The following IFT140 variants were observed in gnomAD, a reference collection of about 807,000 sequenced individuals.
The protein encoded by IFT140 is intraflagellar transport protein 140 homolog.
IFT140 carries 133 observed loss-of-function variants against 164.6 expected under a neutral mutation model. That is an observed-to-expected ratio of 0.81 (90% CI 0.70 to 0.93). The LOEUF (loss-of-function observed/expected upper bound fraction) is 0.93. Among genes scored for constraint, IFT140 ranks in the 40% least tolerant of loss-of-function variants. IFT140 has a pLI of 0.00. For missense variants in IFT140, 2,045 were observed against 1,972.3 expected, an observed-to-expected ratio of 1.04 and a Z score of -0.70; for synonymous variants, 860 against 817.3, an observed-to-expected ratio of 1.05 and a Z score of -0.89.
Position 1,553,849 on chromosome 16 carries a change from C to A in IFT140, c.2399+4086G>T, listed in dbSNP as rs2032876117. The A allele has an allele frequency of 6.5e-6, 8 of 1,229,506 alleles. No homozygotes were observed. In the South Asian group the frequency reaches 1.1e-4, roughly 17 times the overall value. 76.2% of individuals were successfully genotyped at this position (1,229,506 alleles called of 1,614,324 possible). ...GGCTCCATCGCTGCGGCCACAGTGTCCTGTTATCCTAGTTGGTAGACTCTA... is the reference window on the plus strand; with the variant it reads ...GGCTCCATCGCTGCGGCCACAGTGTACTGTTATCCTAGTTGGTAGACTCTA... On this transcript the variant is annotated intron_variant, in intron 19 of 30. Coordinates refer to ENST00000426508, the MANE Select transcript of IFT140 (RefSeq NM_014714.4). The surrounding 1 kb of genome is among the most constrained non-coding windows in gnomAD (Gnocchi z 4.4).
In IFT140 at chr16:1,566,419, C is replaced by T. The variant is rs543613569; in HGVS notation, c.1771-128G>A. The T allele has an allele frequency of 9.7e-5, 78 of 804,850 alleles. No homozygotes were observed. The African/African-American group carries it at 1.1e-3, about 11-fold the overall frequency. The allele number at this position is 804,850 out of a possible 1,614,324, so 49.9% of individuals were successfully genotyped here. The stretch of plus-strand genomic sequence containing the variant: ...CCAGTGTCACCAAGTCCACAGGCCA[C>T]TCATCTTCCAAGGACTAGCATGCTT... On this transcript the variant is annotated intron_variant, in intron 15 of 30. Coordinates refer to ENST00000426508, the MANE Select transcript of IFT140 (RefSeq NM_014714.4).
At chr16:1,516,031 T>A (rs1395887180) in intron 30 of IFT140, among the ~76,000 whole-genome samples, 2 of 151,282 alleles carry the variant, frequency 1.3e-5, no homozygotes, top group African/African-American at 4.9e-5. Flanking sequence ...TCCCAGCTAC[T>A]CCGGAGGCTG....
chr16:1,574,300 A>C (rs2034162792), intron 13 of IFT140, among the ~76,000 whole-genome samples: 1 of 152,102 alleles, frequency 6.6e-6, no homozygotes, highest in African/African-American at 2.4e-5. Flanking sequence ...TATTTTTGAG[A>C]CAGTGTCTCA....
At chr16:1,594,105 C>T (rs1349090706) in intron 4 of IFT140, among the ~76,000 whole-genome samples, 1 of 152,258 alleles carries the variant, frequency 6.6e-6, no homozygotes, top group African/African-American at 2.4e-5. Context: ...ATTGTGCCAG[C>T]TTTAAGCTCT....
chr16:1,607,324 C>T, intron 2 of IFT140, 27 bp from the exon 3 acceptor site: 1 of 1,549,026 alleles, frequency 6.5e-7, no homozygotes, highest in Non-Finnish European at 8.8e-7. Context: ...ATGACCAAGT[C>T]CAATCAGTTT....
chr16:1,590,919 A>G (rs1159197602), intron 6 of IFT140, among the ~76,000 whole-genome samples: 1 of 151,958 alleles, frequency 6.6e-6, no homozygotes, highest in African/African-American at 2.4e-5. Context: ...GCACCACCAC[A>G]CCCAGCACAA....
At chr16:1,539,506 G>A (rs750382836) in intron 19 of IFT140, among the ~76,000 whole-genome samples, 10 of 152,280 alleles carry the variant, frequency 6.6e-5, no homozygotes, top group Admixed American at 2.6e-4. Flanking sequence ...GTCCTCACCT[G>A]CTGCCAGGCT....
rs145693119 is a variant in IFT140, at chr16:1,588,527, A to AAATAATAATAATAATAAC, written c.811-504_811-503insGTTATTATTATTATTATT. ...GTGACAGAGCAAGACTCCGTCTCAA[A>AAATAATAATAATAATAAC]AATAATAATAATAATAATAATAGTA... is the stretch of plus-strand genomic sequence containing the variant. On this transcript the variant is annotated intron_variant, in intron 7 of 30. Coordinates refer to ENST00000426508, the MANE Select transcript of IFT140 (RefSeq NM_014714.4). Among the ~76,000 whole-genome samples the AAATAATAATAATAATAAC allele has an allele frequency of 2.8e-5, 4 of 145,432 alleles. No individual in the cohort carries two copies. In the South Asian group the frequency reaches 8.7e-4, roughly 32 times the overall value.
intron 14 of IFT140, among the ~76,000 whole-genome samples, chr16:1,569,949 C>A (rs543586323): frequency 3.3e-5 from 5 of 152,056 alleles, no homozygotes; most frequent in Non-Finnish European, 5.9e-5. Context: ...CGCATCTGGC[C>A]TGCTTTATTT....
rs116333112 is a variant in IFT140 at position 1,563,933 on chromosome 16, G to C, written c.2067+64C>G. 2.2e-3 allele frequency: 3,243 copies of C among 1,450,464 alleles called. 62 individuals carry two copies. In the African/African-American group the frequency reaches 0.041, roughly 18 times the overall value. 89.8% of individuals were successfully genotyped at this position (1,450,464 alleles called of 1,614,324 possible). Reference sequence around the variant, plus strand: ...TGAGCCACCGTGCCCAGCCCATGAAGATCTTAAGTCTGTCAAATGGCCACT... The same window carrying C: ...TGAGCCACCGTGCCCAGCCCATGAACATCTTAAGTCTGTCAAATGGCCACT... On this transcript the variant is annotated intron_variant, in intron 17 of 30. Transcript: ENST00000426508.
rs1384035630 is a variant in IFT140 at position 1,587,914 on chromosome 16, T to C, written c.902+19A>G. The C allele has an allele frequency of 6.3e-7, 1 of 1,592,398 alleles. No individual in the cohort carries two copies. Among genetic ancestry groups the C allele is most frequent in the South Asian group, 1.1e-5 (1 of 89,026 alleles). On this transcript the variant is annotated intron_variant, in intron 8 of 30. Transcript: ENST00000426508. ...TCAGGGAACTCTCATCAAGGGGCAC[T>C]GGAAAGGCAGACTCTCACCTGAGGG... is the stretch of plus-strand genomic sequence containing the variant.
intron 4 of IFT140, among the ~76,000 whole-genome samples, chr16:1,595,292 C>T (rs532704541): frequency 1.5e-3 from 223 of 148,896 alleles, no homozygotes; most frequent in Admixed American, 2.9e-3. Flanking sequence ...CTCAAATAAA[C>T]AAACAAACAA....
At chr16:1,576,957 T>C (rs1303239923) in intron 13 of IFT140, 1 of 152,188 alleles carries the variant, frequency 6.6e-6, no homozygotes, top group Non-Finnish European at 1.5e-5. Context: ...CCCCTTAAAA[T>C]GTTGTGCAGT....
chr16:1,606,122 CA>C (rs2036048119), intron 3 of IFT140, among the ~76,000 whole-genome samples: 1 of 152,220 alleles, frequency 6.6e-6, no homozygotes, highest in Non-Finnish European at 1.5e-5. Context: ...GCCCTGCTGA[CA>C]CCTGATTTTG....
intron 30 of IFT140, among the ~76,000 whole-genome samples, chr16:1,515,996 C>G (rs1022724506): frequency 6.6e-6 from 1 of 151,824 alleles, no homozygotes; most frequent in East Asian, 1.9e-4. Flanking sequence ...CAAAATTAGC[C>G]AGGCGTGGTG....
At chr16:1,523,424 C>T in intron 26 of IFT140, 94 bp downstream of exon 26, 3 of 1,382,932 alleles carry the variant, frequency 2.2e-6, no homozygotes, top group South Asian at 1.3e-5. Flanking sequence ...GAACTCATAA[C>T]CAAGCAAGCA....
chr16:1,564,184 G>A lies in IFT140; in HGVS notation c.1902-22C>T, dbSNP rs746550509. ...GCTCCTAAAAGACAAAGGAAGACCC[G>A]TTTCAACCCCAGGGCGGGCACTCCT... is the stretch of plus-strand genomic sequence containing the variant. On this transcript the variant is annotated intron_variant, in intron 16 of 30. Coordinates refer to ENST00000426508, the MANE Select transcript of IFT140 (RefSeq NM_014714.4). The surrounding 1 kb of genome is among the most constrained non-coding windows in gnomAD (Gnocchi z 5.5). 1.1e-5 allele frequency: 17 copies of A among 1,543,022 alleles called. No individual in the cohort carries two copies. The highest frequency in any genetic ancestry group is 7.1e-5 in the East Asian group (3 of 42,536).
At position 1,524,672 on chromosome 16, in the gene IFT140, T is replaced by C; in HGVS notation, c.3021A>G (p.Thr1007=). The C allele has an allele frequency of 6.3e-7, 1 of 1,576,268 alleles. No homozygotes were observed. The highest frequency in any genetic ancestry group is 8.6e-7 in the Non-Finnish European group (1 of 1,156,212). ...VQKAAQIANE[T]GNLAASYHLA... is the part of the protein sequence containing the mutation. ...GGTGGTAGGAGGCCGCCAGGTTTCC[T>C]GTCTCGTTGGCTATTTGCGCAGCCT... Residue 1007 remains threonine (T), a synonymous_variant, in exon 24 of 31, where the codon ACA becomes ACG. Coordinates refer to ENST00000426508, the MANE Select transcript of IFT140 (RefSeq NM_014714.4).
At position 1,518,311 on chromosome 16, in the gene IFT140, G is replaced by T. The variant is rs2040423837; in HGVS notation, c.4087C>A (p.Leu1363Ile). 1.2e-6 allele frequency: 2 copies of T among 1,614,114 alleles called. No homozygotes were observed. ...PKESIKQCEL[L>I]LEEPDLDSTI... is the part of the protein sequence containing the mutation. ...CTGTCCAGGTCTGGTTCCTCCAGGA[G>T]CAGCTCACACTGCTTGATGGACTCC... The change falls in exon 30 of 31, where the codon CTC becomes ATC. Residue 1363 changes from leucine (L) to isoleucine (I), a missense_variant. Physicochemically the swap from Leu to Ile is conservative, Grantham distance 5. Coordinates refer to ENST00000426508, the MANE Select transcript of IFT140 (RefSeq NM_014714.4).
Sources: gnomAD v4.1 joint callset for allele counts (sites outside exome capture counted in the v4.1 genomes callset) on GRCh38, gnomAD v4.1.1 for gene constraint, Gnocchi (gnomAD v3.1) non-coding constraint, MANE v1.5 for transcripts, NCBI Gene and HGNC (gene_info 2026-07-23, HGNC 2026-07-21) for gene names.